Variants in PPP1R9A observed in about 807,000 individuals in gnomAD.
PPP1R9A encodes the protein neurabin-1.
Under a neutral mutation model 141.9 loss-of-function variants are expected in PPP1R9A, and 59 were observed. That is an observed-to-expected ratio of 0.42 (90% CI 0.34 to 0.52). The LOEUF (loss-of-function observed/expected upper bound fraction) is 0.52, where lower values mean the gene tolerates loss of function less well. Among genes scored for constraint, PPP1R9A ranks in the 20% least tolerant of loss-of-function variants. The pLI, the probability that PPP1R9A is intolerant of heterozygous loss-of-function variation, is 0.10. For missense variants in PPP1R9A, 1,444 were observed against 1,611.9 expected, an observed-to-expected ratio of 0.90 and a Z score of 1.78; for synonymous variants, 500 against 569.7, an observed-to-expected ratio of 0.88 and a Z score of 1.74.
At chr7:94,990,555 G>T (rs1477832630) in intron 2 of PPP1R9A, among the ~76,000 whole-genome samples, 4 of 151,740 alleles carry the variant, frequency 2.6e-5, no homozygotes, top group Admixed American at 2.6e-4. Flanking sequence ...CTTTGTGTTG[G>T]GAATGTTTAA....
chr7:95,211,230 AGTTTG>A (rs1316114671), intron 7 of PPP1R9A, among the ~76,000 whole-genome samples: 1 of 152,116 alleles, frequency 6.6e-6, no homozygotes, highest in Non-Finnish European at 1.5e-5. Flanking sequence ...TGATACTCTC[AGTTTG>A]AGATGGGTCA....
chr7:94,942,478 A>G (rs1393300585), intron 2 of PPP1R9A, among the ~76,000 whole-genome samples: 1 of 152,162 alleles, frequency 6.6e-6, no homozygotes, highest in Non-Finnish European at 1.5e-5. Context: ...GAATACAGCC[A>G]TACTCATGCC....
intron 2 of PPP1R9A, among the ~76,000 whole-genome samples, chr7:94,914,818 A>G (rs1791869812): frequency 6.6e-6 from 1 of 152,190 alleles, no homozygotes; most frequent in Admixed American, 6.5e-5. Context: ...AAATACAACA[A>G]ATACATAAAA....
chr7:95,199,637 C>T (rs1353579976), intron 6 of PPP1R9A, among the ~76,000 whole-genome samples: 1 of 151,972 alleles, frequency 6.6e-6, no homozygotes. Context: ...ATTAGAAATC[C>T]TTTAAATGAA....
intron 2 of PPP1R9A, among the ~76,000 whole-genome samples, chr7:95,088,504 C>T (rs992357973): frequency 4.6e-5 from 7 of 151,886 alleles, no homozygotes; most frequent in South Asian, 4.1e-4. Flanking sequence ...AAATCACACC[C>T]GTGATTGCAA....
chr7:95,226,783 G>C (rs2152954682), intron 8 of PPP1R9A, among the ~76,000 whole-genome samples: 1 of 152,290 alleles, frequency 6.6e-6, no homozygotes, highest in South Asian at 2.1e-4. Flanking sequence ...AGTTTGAAGA[G>C]ATCAGACTCC....
rs115595403 is a variant in PPP1R9A at position 94,930,620 on chromosome 7, G to A, written c.1395+19112G>A. On this transcript the variant is annotated intron_variant, in intron 2 of 19. Transcript: ENST00000433360. Reference sequence around the variant, plus strand: ...CTCCTAAAGTGCTGGGATTACAGGCGTGAACCACCATGCCCAGCCCTATCT... The same window carrying A: ...CTCCTAAAGTGCTGGGATTACAGGCATGAACCACCATGCCCAGCCCTATCT... Among the ~76,000 whole-genome samples, 884 of 152,224 alleles carry A rather than the reference G, an allele frequency of 5.8e-3. 8 individuals carry two copies. Among genetic ancestry groups the A allele is most frequent in the African/African-American group, 0.02 (831 of 41,528 alleles).
At chr7:95,242,991 C>G (rs1401364906) in intron 8 of PPP1R9A, among the ~76,000 whole-genome samples, 2 of 152,162 alleles carry the variant, frequency 1.3e-5, no homozygotes, top group South Asian at 2.1e-4. Context: ...TGACATAAAT[C>G]TCTTAAACAT....
At chr7:94,995,222 T>C (rs542031821) in intron 2 of PPP1R9A, among the ~76,000 whole-genome samples, 1 of 152,270 alleles carries the variant, frequency 6.6e-6, no homozygotes, top group South Asian at 2.1e-4. Flanking sequence ...CTTTGGCTGC[T>C]CTTAAGAGTT....
intron 2 of PPP1R9A, among the ~76,000 whole-genome samples, chr7:95,103,341 A>G (rs755833954): frequency 4.9e-5 from 5 of 101,460 alleles, no homozygotes; most frequent in African/African-American, 1.5e-4. Flanking sequence ...TATATAGAGT[A>G]TGTTTGGTTT....
rs937385445 is a variant in PPP1R9A, at chr7:94,910,011, C to G, written c.-103C>G. ...GACACCGTATACCATTTGAGAGGTA[C>G]TTTTCTTGACCCAATACTGGTGATT... On this transcript the variant is annotated 5_prime_UTR_variant, in exon 2 of 20. Coordinates refer to ENST00000433360, the MANE Select transcript of PPP1R9A (RefSeq NM_001166160.2). This position sits in a 1 kb window ranked among gnomAD's most constrained non-coding sequence, Gnocchi z 4.5. The G allele has an allele frequency of 5.9e-6, 6 of 1,012,574 alleles. No individual in the cohort carries two copies. Among genetic ancestry groups the G allele is most frequent in the Non-Finnish European group, 8.7e-6 (6 of 687,850 alleles). 62.7% of individuals were successfully genotyped at this position (1,012,574 alleles called of 1,614,324 possible).
chr7:95,288,795 G>T (rs920488685), intron 19 of PPP1R9A, 77 bp downstream of exon 19: 15 of 1,499,688 alleles, frequency 1.0e-5, no homozygotes, highest in Non-Finnish European at 1.3e-5. Flanking sequence ...TTTTCATTAG[G>T]TAAGAGCATT....
In PPP1R9A at chr7:95,251,845, G is replaced by A. The variant is rs58319274; in HGVS notation, c.2480G>A (p.Gly827Asp). ...LEKAHLVEVQ[G>D]LQVRIRDLEA... is the part of the protein sequence containing the mutation. ...AAAGCTCATCTTGTGGAAGTGCAAG[G>A]CCTCCAAGTGCGGGTAAGTTGTGTT... Residue 827 changes from glycine (G) to aspartate (D), a missense_variant, in exon 11 of 20, where the codon GGC becomes GAC. Coordinates refer to ENST00000433360, the MANE Select transcript of PPP1R9A (RefSeq NM_001166160.2). 3 of 1,613,746 alleles carry A rather than the reference G, an allele frequency of 1.9e-6. No individual in the cohort carries two copies. The highest frequency in any genetic ancestry group is 2.5e-6 in the Non-Finnish European group (3 of 1,179,898).
At chr7:95,257,451 G>T (rs1310178603) in intron 12 of PPP1R9A, among the ~76,000 whole-genome samples, 1 of 151,892 alleles carries the variant, frequency 6.6e-6, no homozygotes, top group Non-Finnish European at 1.5e-5. Context: ...ATGGATTACA[G>T]TCTCAAATTT....
intron 2 of PPP1R9A, among the ~76,000 whole-genome samples, chr7:95,049,360 C>T (rs572024943): frequency 2.2e-4 from 33 of 152,270 alleles, no homozygotes; most frequent in African/African-American, 6.5e-4. Context: ...GAGGACCCCA[C>T]CTACTTTTAA....
rs1193252994 is a variant in PPP1R9A at position 95,198,476 on chromosome 7, G to A, written c.1882G>A (p.Asp628Asn). The A allele has an allele frequency of 5.0e-6, 8 of 1,587,884 alleles. 1 individual carries two copies. In the South Asian group the frequency reaches 9.2e-5, roughly 18 times the overall value. ...EQHYAQYDAD[D>N]DENTVAELQG... ...GCACTATGCCCAGTATGATGCCGACGATGACGAGGTCAGTAGTGCTTGCAA... is the reference window on the plus strand; with the variant it reads ...GCACTATGCCCAGTATGATGCCGACAATGACGAGGTCAGTAGTGCTTGCAA... The change falls in exon 6 of 20, where the codon GAT becomes AAT. Residue 628 changes from aspartate (D) to asparagine (N), a missense_variant. Around this residue, in one of 5 missense-constraint regions of PPP1R9A, gnomAD observed 488 missense variants for 542.0 expected, o/e 0.90. Transcript: ENST00000433360.
At chr7:94,928,383 A>G (rs117728204) in intron 2 of PPP1R9A, among the ~76,000 whole-genome samples, 118 of 152,260 alleles carry the variant, frequency 7.7e-4, no homozygotes, top group Non-Finnish European at 1.2e-3. Flanking sequence ...TCACTTTGCT[A>G]TATATACCTC....
At chr7:95,070,848 G>A (rs979990621) in intron 2 of PPP1R9A, among the ~76,000 whole-genome samples, 7 of 151,596 alleles carry the variant, frequency 4.6e-5, no homozygotes, top group Non-Finnish European at 2.9e-5. Context: ...GTCATTATAT[G>A]TATTCTATCA....
rs143723871 is a variant in PPP1R9A, at chr7:94,923,343, G to A, written c.1395+11835G>A. On this transcript the variant is annotated intron_variant, in intron 2 of 19. Transcript: ENST00000433360. ...TAGTCTTACTAAAAATAATAAACAT[G>A]TACTTAAAGGAAACTTAACCATTTT... Among the ~76,000 whole-genome samples the A allele has an allele frequency of 3.7e-3, 564 of 152,208 alleles. 21 individuals are homozygous for A. Among genetic ancestry groups the A allele is most frequent in the East Asian group, 0.032 (165 of 5,188 alleles).
Sources: gnomAD v4.1 joint callset for allele counts (sites outside exome capture counted in the v4.1 genomes callset) on GRCh38, gnomAD v4.1.1 for gene constraint, gnomAD v4.1.1 regional missense constraint, Gnocchi (gnomAD v3.1) non-coding constraint, MANE v1.5 for transcripts, NCBI Gene and HGNC (gene_info 2026-07-23, HGNC 2026-07-21) for gene names.